Variants in CYLD observed in about 807,000 individuals in gnomAD.
CYLD encodes the protein CYLD lysine 63 deubiquitinase.
Under a neutral mutation model 104.5 loss-of-function variants are expected in CYLD, and 26 were observed. The observed-to-expected ratio is 0.25, with a 90% CI of 0.18 to 0.35. CYLD has a LOEUF of 0.35. Among genes scored for constraint, CYLD ranks in the 10% least tolerant of loss-of-function variants. The pLI, the probability that CYLD is intolerant of heterozygous loss-of-function variation, is 1.00. For synonymous variants in CYLD, 385 were observed against 399.9 expected, an observed-to-expected ratio of 0.96 and a Z score of 0.45; for missense variants, 703 against 1,136.1, an observed-to-expected ratio of 0.62 and a Z score of 5.48.
chr16:50,752,612 T>C (rs955379184), intron 4 of CYLD, among the ~76,000 whole-genome samples: 1 of 152,204 alleles, frequency 6.6e-6, no homozygotes, highest in Non-Finnish European at 1.5e-5. Context: ...CACCTGTTCA[T>C]CTCCAGAACT....
chr16:50,782,916 ATTTTT>A (rs386384680), intron 11 of CYLD, among the ~76,000 whole-genome samples: 154 of 87,714 alleles, frequency 1.8e-3, no homozygotes, highest in Non-Finnish European at 2.7e-3. Context: ...ACAACTTAAG[ATTTTT>A]TTTTTTTTTT....
At chr16:50,768,491 G>A (rs985802448) in intron 5 of CYLD, among the ~76,000 whole-genome samples, 1 of 152,154 alleles carries the variant, frequency 6.6e-6, no homozygotes, top group Non-Finnish European at 1.5e-5. Context: ...TGGCTGGGAA[G>A]CTTAGGAAAG....
intron 5 of CYLD, among the ~76,000 whole-genome samples, chr16:50,758,763 G>A (rs921146395): frequency 2.0e-5 from 3 of 152,174 alleles, no homozygotes; most frequent in Non-Finnish European, 4.4e-5. Flanking sequence ...AATTTACCCA[G>A]GTGGGAAAGA....
rs371739253 is a variant in CYLD, at chr16:50,755,907, C to T, written c.913+1483C>T. 6.0e-4 allele frequency among the ~76,000 whole-genome samples: 91 copies of T among 152,106 alleles called. 1 individual carries two copies. The highest frequency in any genetic ancestry group is 1.5e-3 in the African/African-American group (61 of 41,510). ...TTATCATTTTTGTTGCATTTGCTTT[C>T]GGGTTCTTGGTCATGAAGTCTTTGC... On this transcript the variant is annotated intron_variant, in intron 5 of 18. Coordinates refer to ENST00000427738, the MANE Select transcript of CYLD (RefSeq NM_001378743.1).
In CYLD at chr16:50,797,771, T is replaced by C; in HGVS notation, c.*1263T>C. The C allele has an allele frequency of 4.3e-6, 1 of 232,790 alleles. No homozygotes were observed. 14.4% of individuals were successfully genotyped at this position (232,790 alleles called of 1,614,324 possible). A position where few individuals can be genotyped will look rare whatever the true frequency, so the allele number is the denominator to read the frequency against. ...GTATATGTCATATGACTTTATAAAA[T>C]ATTTAATGTGACAAAAAGTGGAAAG... On this transcript the variant is annotated 3_prime_UTR_variant, in exon 19 of 19. Coordinates refer to ENST00000427738, the MANE Select transcript of CYLD (RefSeq NM_001378743.1).
chr16:50,749,709 G>C lies in CYLD; in HGVS notation c.11G>C (p.Gly4Ala), dbSNP rs776388535. The C allele has an allele frequency of 1.2e-6, 2 of 1,613,506 alleles. No individual in the cohort carries two copies. The highest frequency in any genetic ancestry group is 1.7e-6 in the Non-Finnish European group (2 of 1,180,006). ...GAAGTTAATATCACAATGAGTTCAG[G>C]CTTATGGAGCCAAGAAAAAGTCACT... is the stretch of plus-strand genomic sequence containing the variant. MSS[G>A]LWSQEKVTSP... Residue 4 changes from glycine (G) to alanine (A), a missense_variant, in exon 3 of 19, where the codon GGC (glycine) becomes GCC (alanine). Physicochemically the swap from Gly to Ala is moderately conservative, Grantham distance 60. This residue lies in a region of CYLD where 142 missense variants were observed against 165.1 expected (regional missense o/e 0.86). Transcript: ENST00000427738.
intron 5 of CYLD, among the ~76,000 whole-genome samples, chr16:50,772,201 A>G (rs1180374749): frequency 2.0e-5 from 3 of 152,146 alleles, no homozygotes; most frequent in South Asian, 2.1e-4. Flanking sequence ...TCTTTTGTCT[A>G]TGCCTATTGA....
intron 5 of CYLD, among the ~76,000 whole-genome samples, chr16:50,766,222 C>A (rs966801332): frequency 1.3e-5 from 2 of 152,070 alleles, no homozygotes; most frequent in East Asian, 1.9e-4. Context: ...TCTGAAAATC[C>A]CAAAATCCTT....
At chr16:50,771,100 C>T (rs1969097880) in intron 5 of CYLD, among the ~76,000 whole-genome samples, 2 of 152,248 alleles carry the variant, frequency 1.3e-5, no homozygotes, top group South Asian at 2.1e-4. Flanking sequence ...TGTTGTGCAA[C>T]CCTCACCACT....
Position 50,780,885 on chromosome 16 carries a change from G to A in CYLD, c.1519-361G>A, listed in dbSNP as rs113870977. On this transcript the variant is annotated intron_variant, in intron 9 of 18. Coordinates refer to ENST00000427738, the MANE Select transcript of CYLD (RefSeq NM_001378743.1). ...CATGCTAGTGAATACTATCTTATGGGGCATGGTGGGGAGGCAAGAATGAGG... is the reference window on the plus strand; with the variant it reads ...CATGCTAGTGAATACTATCTTATGGAGCATGGTGGGGAGGCAAGAATGAGG... Among the ~76,000 whole-genome samples the A allele has an allele frequency of 5.9e-5, 9 of 151,880 alleles. 1 individual carries two copies. Among genetic ancestry groups the A allele is most frequent in the African/African-American group, 2.2e-4 (9 of 41,412 alleles).
chr16:50,765,500 C>T (rs192847273), intron 5 of CYLD, among the ~76,000 whole-genome samples: 1 of 152,274 alleles, frequency 6.6e-6, no homozygotes, highest in East Asian at 1.9e-4. Flanking sequence ...TAGGCCAAGT[C>T]ATAATCCTAC....
rs2151047377 is a variant in CYLD at position 50,796,327 on chromosome 16, G to A, written c.2690G>A (p.Gly897Asp). 1.2e-6 allele frequency: 2 copies of A among 1,614,130 alleles called. No homozygotes were observed. Among genetic ancestry groups the A allele is most frequent in the Non-Finnish European group, 1.7e-6 (2 of 1,180,000 alleles). The change falls in exon 19 of 19, where the codon GGT becomes GAT. Residue 897 changes from glycine (G) to aspartate (D), a missense_variant. Gly to Asp is a moderately conservative substitution (Grantham distance 94, BLOSUM62 -1). This residue lies in a region of CYLD where 130 missense variants were observed against 220.2 expected (regional missense o/e 0.59). Transcript: ENST00000427738. ...FFDSMADRDGGQNGFNIPQVT... is the reference protein window; with the variant it reads ...FFDSMADRDGDQNGFNIPQVT... ...GAGTTCTTCCTCTGTGCCATAGGTG[G>A]TCAGAATGGCTTCAACATTCCTCAA...
At chr16:50,748,384 T>TA (rs1567419058) in intron 2 of CYLD, among the ~76,000 whole-genome samples, 1 of 152,140 alleles carries the variant, frequency 6.6e-6, no homozygotes, top group Non-Finnish European at 1.5e-5. Context: ...ATTATTCTTG[T>TA]AAAAATTTTA....
At chr16:50,743,596 G>A (rs1054237970) in intron 2 of CYLD, among the ~76,000 whole-genome samples, 1 of 152,120 alleles carries the variant, frequency 6.6e-6, no homozygotes, top group Admixed American at 6.5e-5. Flanking sequence ...TTGATTTAAG[G>A]AAGTCTCCAA....
chr16:50,787,562 T>C, intron 13 of CYLD: 1 of 476,052 alleles, frequency 2.1e-6, no homozygotes, highest in South Asian at 2.2e-5. Flanking sequence ...CTTTCAAATG[T>C]AATAAACTCA....
intron 5 of CYLD, among the ~76,000 whole-genome samples, chr16:50,769,530 G>A (rs1968905312): frequency 6.6e-6 from 1 of 152,040 alleles, no homozygotes; most frequent in Admixed American, 6.6e-5. Flanking sequence ...TTTATGATTG[G>A]GTTTTGAGAG....
At chr16:50,768,803 C>A (rs184127804) in intron 5 of CYLD, among the ~76,000 whole-genome samples, 3 of 152,094 alleles carry the variant, frequency 2.0e-5, no homozygotes, top group African/African-American at 7.2e-5. Flanking sequence ...ACGATCTCTA[C>A]GATCAAGATA....
At position 50,776,266 on chromosome 16, in the gene CYLD, C is replaced by T. The variant is rs1969674463; in HGVS notation, c.1010C>T (p.Pro337Leu). ...AAAGGTTCATCCAGTCATAATAAAC[C>T]AAAGGCTACAGGTATGGATTAATAG... Reference protein sequence around the residue: ...GDKGSSSHNKPKATGSTSDPG... With the variant: ...GDKGSSSHNKLKATGSTSDPG... Residue 337 changes from proline (P) to leucine (L), a missense_variant, in exon 7 of 19, where the codon CCA (proline) becomes CTA (leucine). Coordinates refer to ENST00000427738, the MANE Select transcript of CYLD (RefSeq NM_001378743.1). 6.2e-7 allele frequency: 1 copy of T among 1,611,120 alleles called. No homozygotes were observed. The highest frequency in any genetic ancestry group is 8.5e-7 in the Non-Finnish European group (1 of 1,177,654).
chr16:50,770,461 T>C (rs923257844), intron 5 of CYLD, among the ~76,000 whole-genome samples: 3 of 151,806 alleles, frequency 2.0e-5, no homozygotes, highest in East Asian at 1.9e-4. Context: ...TTCTTTTTTT[T>C]TTTTTTGAGA....
Sources: gnomAD v4.1 joint callset for allele counts (sites outside exome capture counted in the v4.1 genomes callset) on GRCh38, gnomAD v4.1.1 for gene constraint, gnomAD v4.1.1 regional missense constraint, MANE v1.5 for transcripts, NCBI Gene and HGNC (gene_info 2026-07-23, HGNC 2026-07-21) for gene names.